DPYD: variants seen among roughly 807,000 people sequenced by gnomAD.
The protein encoded by DPYD is dihydropyrimidine dehydrogenase.
In DPYD, 109 loss-of-function variants were observed where a neutral mutation model predicts 116.2. The observed-to-expected ratio is 0.94, with a 90% CI of 0.80 to 1.10. The LOEUF (loss-of-function observed/expected upper bound fraction) is 1.10, where lower values mean the gene tolerates loss of function less well. Among genes scored for constraint, DPYD ranks in the 50% least tolerant of loss-of-function variants. The pLI is 0.00. For missense variants in DPYD, 1,302 were observed against 1,254.5 expected (o/e 1.04, Z -0.57); for synonymous variants, 440 against 432.0 (o/e 1.02, Z -0.23).
Position 97,306,312 on chromosome 1 carries a change from C to T in DPYD, c.2059-15G>A, listed in dbSNP as rs768379938. The T allele has an allele frequency of 1.7e-5, 27 of 1,611,620 alleles. No homozygotes were observed. Among genetic ancestry groups the T allele is most frequent in the South Asian group, 5.5e-5 (5 of 91,008 alleles). On this transcript the variant is annotated splice_polypyrimidine_tract_variant and intron_variant, in intron 16 of 22. Coordinates refer to ENST00000370192, the MANE Select transcript of DPYD (RefSeq NM_000110.4). ...AGCTCTGGATCCTGTTCAAATAGGTCGGTTAAATATAGAACAAAATTAAAG... is the reference window on the plus strand; with the variant it reads ...AGCTCTGGATCCTGTTCAAATAGGTTGGTTAAATATAGAACAAAATTAAAG...
At chr1:97,817,559 C>T (rs1668692806) in intron 3 of DPYD, among the ~76,000 whole-genome samples, 2 of 151,812 alleles carry the variant, frequency 1.3e-5, no homozygotes, top group Admixed American at 1.3e-4. Flanking sequence ...GACATATATA[C>T]CAAATAATTA....
At chr1:97,363,218 T>C (rs185228635) in intron 16 of DPYD, among the ~76,000 whole-genome samples, 2 of 152,146 alleles carry the variant, frequency 1.3e-5, no homozygotes, top group Non-Finnish European at 2.9e-5. Flanking sequence ...TCATCACTGG[T>C]CATCAGAGAA....
At chr1:97,863,762 C>T (rs553942953) in intron 2 of DPYD, among the ~76,000 whole-genome samples, 20 of 151,706 alleles carry the variant, frequency 1.3e-4, no homozygotes, top group Non-Finnish European at 2.5e-4. Flanking sequence ...TTTTAAAAAA[C>T]CCTTCAAACT....
At chr1:97,915,201 C>G (rs1319330297) in intron 1 of DPYD, among the ~76,000 whole-genome samples, 2 of 151,960 alleles carry the variant, frequency 1.3e-5, no homozygotes, top group Admixed American at 6.6e-5. Flanking sequence ...CACAGTCACA[C>G]AAATAAAATA....
Position 97,382,439 on chromosome 1 carries a change from C to A in DPYD, c.1928G>T (p.Cys643Phe), listed in dbSNP as rs752518145. The A allele has an allele frequency of 1.9e-6, 3 of 1,594,466 alleles. No individual in the cohort carries two copies. The highest frequency in any genetic ancestry group is 1.7e-5 in the Admixed American group (1 of 58,812). ...CGTCCAGTCATTTTTATTGTAACTG[C>A]ACATAATGCTAGCAATCACAATCTT... ...PDNIVIASIMCSYNKNDWTEL... is the reference protein window; with the variant it reads ...PDNIVIASIMFSYNKNDWTEL... The change falls in exon 15 of 23, where the codon TGC (cysteine) becomes TTC (phenylalanine). Residue 643 changes from cysteine (C) to phenylalanine (F), a missense_variant. Cys to Phe is a radical substitution (Grantham distance 205). Transcript: ENST00000370192.
intron 18 of DPYD, among the ~76,000 whole-genome samples, chr1:97,262,765 C>T (rs1008082629): frequency 1.3e-5 from 2 of 151,874 alleles, no homozygotes; most frequent in Admixed American, 1.3e-4. Context: ...AAGATAATAT[C>T]AGACTTAGGT....
chr1:97,581,745 CA>C (rs1226325704), intron 10 of DPYD, among the ~76,000 whole-genome samples: 4,831 of 63,550 alleles, frequency 0.076, 97 homozygotes, highest in African/African-American at 0.19. Context: ...GATCCTGTCT[CA>C]AAAAAAAAAA....
intron 19 of DPYD, among the ~76,000 whole-genome samples, chr1:97,218,838 T>C (rs1352275991): frequency 6.6e-6 from 1 of 152,034 alleles, no homozygotes; most frequent in Non-Finnish European, 1.5e-5. Flanking sequence ...TGACCAAACA[T>C]GAGACTAATT....
chr1:97,283,822 G>A (rs1019963858), intron 18 of DPYD, among the ~76,000 whole-genome samples: 1 of 152,098 alleles, frequency 6.6e-6, no homozygotes, highest in African/African-American at 2.4e-5. Context: ...GCAATTGTTT[G>A]TGTGTCTACT....
intron 3 of DPYD, among the ~76,000 whole-genome samples, chr1:97,823,217 T>A (rs1276616306): frequency 6.6e-6 from 1 of 152,024 alleles, no homozygotes; most frequent in Non-Finnish European, 1.5e-5. Context: ...GGCAGTGGCG[T>A]GATCTCTGCT....
chr1:97,623,299 T>A (rs557036860), intron 8 of DPYD, among the ~76,000 whole-genome samples: 13 of 152,196 alleles, frequency 8.5e-5, no homozygotes, highest in Non-Finnish European at 1.8e-4. Context: ...AGATTCCTCA[T>A]GAATTTCCCC....
At chr1:97,819,358 TG>T (rs1048501420) in intron 3 of DPYD, among the ~76,000 whole-genome samples, 1 of 151,924 alleles carries the variant, frequency 6.6e-6, no homozygotes, top group African/African-American at 2.4e-5. Flanking sequence ...ACATTGCTTC[TG>T]AATCCAATCT....
chr1:97,200,963 A>G (rs1659161665), intron 19 of DPYD, among the ~76,000 whole-genome samples: 1 of 152,164 alleles, frequency 6.6e-6, no homozygotes, highest in Admixed American at 6.6e-5. Context: ...GAAACCAAAC[A>G]TTGAATGCAG....
chr1:97,921,021 A>AAAAC lies in DPYD; in HGVS notation c.-103_-100dup. ...GTGACAGCAGCCGGAGCGCGAGTCGAAAACAGGCAGACTAGGGCCGGCGGC... is the reference window on the plus strand; with the variant it reads ...GTGACAGCAGCCGGAGCGCGAGTCGAAAACAAACAGGCAGACTAGGGCCGGCGGC... On this transcript the variant is annotated 5_prime_UTR_variant, in exon 1 of 23. Coordinates refer to ENST00000370192, the MANE Select transcript of DPYD (RefSeq NM_000110.4). 4.7e-6 allele frequency: 7 copies of AAAAC among 1,475,074 alleles called. No individual in the cohort carries two copies. Among genetic ancestry groups the AAAAC allele is most frequent in the Non-Finnish European group, 6.5e-6 (7 of 1,081,698 alleles). 91.4% of individuals were successfully genotyped at this position (1,475,074 alleles called of 1,614,324 possible).
chr1:97,121,311 T>C (rs1447147593), intron 20 of DPYD, among the ~76,000 whole-genome samples: 1 of 152,182 alleles, frequency 6.6e-6, no homozygotes, highest in Non-Finnish European at 1.5e-5. Flanking sequence ...ACATTAAAAT[T>C]CTTCCCTGCC....
chr1:97,687,339 T>C (rs1660791398), intron 7 of DPYD, among the ~76,000 whole-genome samples: 1 of 151,858 alleles, frequency 6.6e-6, no homozygotes. Context: ...TTTCTCAAAA[T>C]GAGACATTTA....
At chr1:97,762,353 A>T (rs1281640539) in intron 3 of DPYD, among the ~76,000 whole-genome samples, 2 of 152,150 alleles carry the variant, frequency 1.3e-5, no homozygotes, top group African/African-American at 4.8e-5. Context: ...TATTGTACAG[A>T]TAAAGGAGAG....
chr1:97,303,834 G>T (rs894242460), intron 18 of DPYD, among the ~76,000 whole-genome samples: 6 of 151,948 alleles, frequency 3.9e-5, no homozygotes, highest in African/African-American at 1.2e-4. Flanking sequence ...ATTTATATAT[G>T]AATTTATAAA....
chr1:97,649,222 T>A (rs926990069), intron 8 of DPYD, among the ~76,000 whole-genome samples: 1 of 152,058 alleles, frequency 6.6e-6, no homozygotes, highest in Non-Finnish European at 1.5e-5. Context: ...TTATTCAGCC[T>A]AGAGAAGTAA....
Sources: gnomAD v4.1 joint callset for allele counts (sites outside exome capture counted in the v4.1 genomes callset) on GRCh38, gnomAD v4.1.1 for gene constraint, MANE v1.5 for transcripts, NCBI Gene and HGNC (gene_info 2026-07-23, HGNC 2026-07-21) for gene names.